Variants in QRSL1 observed in about 807,000 individuals in gnomAD.
QRSL1 encodes the protein glutaminyl-tRNA amidotransferase subunit QRSL1, also known as glutamyl-tRNA(Gln) amidotransferase subunit A, mitochondrial.
A neutral mutation model predicts 61.6 loss-of-function variants in QRSL1; 54 were observed. The observed-to-expected ratio is 0.88, with a 90% confidence interval of 0.70 to 1.10. QRSL1 has a LOEUF of 1.10. QRSL1 is among the 50% of genes least tolerant of loss of function. The pLI is 0.00. For missense variants in QRSL1, 505 were observed against 622.6 expected, an observed-to-expected ratio of 0.81 and a Z score of 2.01; for synonymous variants, 228 against 225.7, an observed-to-expected ratio of 1.01 and a Z score of -0.09.
chr6:106,652,696 A>G, intron 7 of QRSL1, 114 bp downstream of exon 7: 1 of 1,559,414 alleles, frequency 6.4e-7, no homozygotes, highest in Non-Finnish European at 8.7e-7. Flanking sequence ...TTTATTAATC[A>G]TGTGAGTTGA....
At chr6:106,660,659 C>T (rs1383242215) in intron 9 of QRSL1, among the ~76,000 whole-genome samples, 1 of 150,918 alleles carries the variant, frequency 6.6e-6, no homozygotes, top group Non-Finnish European at 1.5e-5. Flanking sequence ...ATTTTTGCTG[C>T]TATAACAGAA....
chr6:106,631,211 G>A (rs1440582051), intron 1 of QRSL1, among the ~76,000 whole-genome samples: 1 of 152,146 alleles, frequency 6.6e-6, no homozygotes, highest in Non-Finnish European at 1.5e-5. Context: ...GGGCGGCAGA[G>A]CAAGACTCCG....
chr6:106,665,278 A>G (rs534022613), intron 10 of QRSL1, among the ~76,000 whole-genome samples: 2 of 152,210 alleles, frequency 1.3e-5, no homozygotes, highest in African/African-American at 2.4e-5. Context: ...AAACTGAACA[A>G]CACACTCTGT....
rs1364396839 is a variant in QRSL1 at position 106,665,810 on chromosome 6, ACT to A, written c.1399_1400del (p.Ser467LysfsTer17). Reference protein sequence around the residue: ...GLPAVSIPVALSNQGLPIGLQ... With the variant: ...GLPAVSIPVAXSNQGLPIGLQ... ...TGCCAGCAGTGAGTATCCCTGTTGC[ACT>A]CTCAAACCAAGGGTTGCCAATAGGA... On this transcript the variant is annotated frameshift_variant, in exon 11 of 11. Transcript: ENST00000369046. LOFTEE classifies it high-confidence loss of function. The A allele has an allele frequency of 6.2e-7, 1 of 1,613,876 alleles. No individual in the cohort carries two copies. Among genetic ancestry groups the A allele is most frequent in the Admixed American group, 1.7e-5 (1 of 59,990 alleles).
At chr6:106,659,110 G>T (rs893864671) in intron 9 of QRSL1, among the ~76,000 whole-genome samples, 1 of 151,718 alleles carries the variant, frequency 6.6e-6, no homozygotes, top group African/African-American at 2.4e-5. Flanking sequence ...TTCCATGTAG[G>T]TCTTCTTATC....
intron 5 of QRSL1, among the ~76,000 whole-genome samples, chr6:106,650,996 A>G (rs1582415406): frequency 6.6e-6 from 1 of 152,202 alleles, no homozygotes; most frequent in South Asian, 2.1e-4. Context: ...TTTTAAAAGT[A>G]CAGTTCAAAA....
chr6:106,649,245 A>G, intron 5 of QRSL1, 44 bp downstream of exon 5: 2 of 1,566,440 alleles, frequency 1.3e-6, no homozygotes, highest in Non-Finnish European at 1.7e-6. Flanking sequence ...CCACCCAAAT[A>G]CAAACAGTCA....
At chr6:106,635,203 A>G (rs989125972) in intron 1 of QRSL1, among the ~76,000 whole-genome samples, 2 of 152,092 alleles carry the variant, frequency 1.3e-5, no homozygotes, top group African/African-American at 4.8e-5. Context: ...ATAGAAGAAG[A>G]CCTAAAATTC....
rs1777244976 is a variant in QRSL1 at position 106,655,012 on chromosome 6, G to A, written c.1042+90G>A. On this transcript the variant is annotated intron_variant, in intron 8 of 10. Coordinates refer to ENST00000369046, the MANE Select transcript of QRSL1 (RefSeq NM_018292.5). Reference sequence around the variant, plus strand: ...TAGTGACAAAAAAGTTAATGCTTGAGATAATGTTAGTGATTCAGAAAAGTT... The same window carrying A: ...TAGTGACAAAAAAGTTAATGCTTGAAATAATGTTAGTGATTCAGAAAAGTT... The A allele has an allele frequency of 5.0e-6, 6 of 1,204,542 alleles. No homozygotes were observed. The East Asian group carries it at 1.4e-4, about 29-fold the overall frequency. The allele number at this position is 1,204,542 out of a possible 1,614,324, so 74.6% of individuals were successfully genotyped here.
chr6:106,647,649 CTTTTTTTTTT>C (rs35122457), intron 4 of QRSL1, among the ~76,000 whole-genome samples: 1 of 84,250 alleles, frequency 1.2e-5, no homozygotes, highest in Admixed American at 1.9e-4. Flanking sequence ...CCATAAAGTA[CTTTTTTTTTT>C]TTTTTTTTTG....
chr6:106,645,903 A>G (rs1777100165), intron 4 of QRSL1, among the ~76,000 whole-genome samples: 1 of 152,212 alleles, frequency 6.6e-6, no homozygotes, highest in South Asian at 2.1e-4. Flanking sequence ...CAAATTGTGT[A>G]GTCTACAAAT....
intron 1 of QRSL1, among the ~76,000 whole-genome samples, chr6:106,639,120 T>TTTTTTTG (rs1562165047): frequency 5.3e-5 from 2 of 37,956 alleles, no homozygotes. Flanking sequence ...TGTTTTGTTG[T>TTTTTTTG]TTTTTTTTTT....
intron 1 of QRSL1, among the ~76,000 whole-genome samples, chr6:106,632,906 C>T (rs188398310): frequency 9.3e-4 from 142 of 152,278 alleles, no homozygotes; most frequent in Middle Eastern, 6.8e-3. Flanking sequence ...GGCATTCATG[C>T]GTGAGAACCC....
chr6:106,635,393 G>T (rs1199364538), intron 1 of QRSL1, among the ~76,000 whole-genome samples: 1 of 152,098 alleles, frequency 6.6e-6, no homozygotes, highest in Non-Finnish European at 1.5e-5. Flanking sequence ...AATGAGGGCT[G>T]GTGCTGACCA....
chr6:106,658,217 G>A (rs1463232705), intron 9 of QRSL1, among the ~76,000 whole-genome samples: 1 of 151,564 alleles, frequency 6.6e-6, no homozygotes, highest in Non-Finnish European at 1.5e-5. Context: ...AGTATTTCTG[G>A]TGCTTTTCTC....
At position 106,657,259 on chromosome 6, in the gene QRSL1, A is replaced by C. The variant is rs868748917; in HGVS notation, c.1160+1527A>C. Among the ~76,000 whole-genome samples the C allele has an allele frequency of 1.5e-4, 23 of 150,996 alleles. No individual in the cohort carries two copies. In the Admixed American group the frequency reaches 1.5e-3, roughly 10 times the overall value. ...ACTCTAGCCTGGGCAACAGAGTGAA[A>C]CTCCATCTCAAAAAAAAAAAAAGAA... On this transcript the variant is annotated intron_variant, in intron 9 of 10. Transcript: ENST00000369046.
At chr6:106,638,399 G>A (rs1208441973) in intron 1 of QRSL1, among the ~76,000 whole-genome samples, 1 of 152,016 alleles carries the variant, frequency 6.6e-6, no homozygotes, top group East Asian at 1.9e-4. Flanking sequence ...CTGCCTCCCG[G>A]GTTCAAGCGA....
chr6:106,652,406 A>G, intron 6 of QRSL1, 22 bp downstream of exon 6: 1 of 1,613,576 alleles, frequency 6.2e-7, no homozygotes, highest in Non-Finnish European at 8.5e-7. Flanking sequence ...ATTCTATATC[A>G]TTTGCAACAG....
intron 8 of QRSL1, 94 bp from the exon 9 acceptor site, chr6:106,655,514 CAAAAAAA>C (rs35970346): frequency 9.4e-6 from 4 of 424,836 alleles, no homozygotes; most frequent in Admixed American, 7.4e-5. Flanking sequence ...GACTCCATCT[CAAAAAAA>C]AAAAAAAAAA....
Sources: gnomAD v4.1 joint callset for allele counts (sites outside exome capture counted in the v4.1 genomes callset) on GRCh38, gnomAD v4.1.1 for gene constraint, MANE v1.5 for transcripts, NCBI Gene and HGNC (gene_info 2026-07-23, HGNC 2026-07-21) for gene names.